The following ANKRD26 variants were observed in gnomAD, a reference collection of about 807,000 sequenced individuals.
ANKRD26 encodes the protein ankyrin repeat domain 26.
ANKRD26 carries 141 observed loss-of-function variants against 208.7 expected under a neutral mutation model. The ratio of observed to expected loss-of-function variants is 0.68; its 90% CI spans 0.59 to 0.78. The LOEUF (loss-of-function observed/expected upper bound fraction) is 0.78, where lower values mean the gene tolerates loss of function less well. Ranked by LOEUF, ANKRD26 falls within the 30% of genes least tolerant of loss-of-function variation. The pLI is 0.00. For synonymous variants in ANKRD26, 636 were observed against 660.4 expected (o/e 0.96, Z 0.57); for missense variants, 1,889 against 1,938.7 (o/e 0.97, Z 0.48).
the ANKRD26 span, among the ~76,000 whole-genome samples, chr10:26,966,346 C>T: frequency 2.0e-5 from 3 of 152,090 alleles, no homozygotes; most frequent in Non-Finnish European, 4.4e-5. Flanking sequence ...ATGGATGAAG[C>T]GGGAAGCCAT....
chr10:26,981,884 A>G (rs1029930425), intron 4 of ANKRD26, among the ~76,000 whole-genome samples: 1 of 152,168 alleles, frequency 6.6e-6, no homozygotes, highest in South Asian at 2.1e-4. Context: ...GCAGGGGCTC[A>G]AGGCGCAGGA....
chr10:27,061,810 C>T, intron 12 of ANKRD26: 1 of 441,228 alleles, frequency 2.3e-6, no homozygotes, highest in Non-Finnish European at 3.0e-6. Context: ...AGCAACCCAC[C>T]CACCTTGGCC....
chr10:27,030,922 C>A (rs2053844539), intron 25 of ANKRD26, among the ~76,000 whole-genome samples: 2 of 151,806 alleles, frequency 1.3e-5, no homozygotes, highest in Admixed American at 1.3e-4. Context: ...TATTATTCAC[C>A]TCGTAGGCAA....
chr10:26,958,549 T>C, the ANKRD26 span, among the ~76,000 whole-genome samples: 1 of 152,156 alleles, frequency 6.6e-6, no homozygotes, highest in Non-Finnish European at 1.5e-5. Flanking sequence ...ATCTTATAAC[T>C]GAGAAGGTGC....
chr10:27,061,508 A>G (rs2055054564), intron 12 of ANKRD26, among the ~76,000 whole-genome samples: 1 of 151,932 alleles, frequency 6.6e-6, no homozygotes, highest in Non-Finnish European at 1.5e-5. Context: ...AAAAAAGCCA[A>G]TGCTTCTATA....
chr10:27,051,518 T>TA (rs1004144352), intron 16 of ANKRD26: 1 of 985,028 alleles, frequency 1.0e-6, no homozygotes, highest in Non-Finnish European at 1.2e-6. Flanking sequence ...CTGGGTTCCT[T>TA]ACTTTTTTAT....
chr10:27,090,853 T>C (rs1291890929), intron 4 of ANKRD26, among the ~76,000 whole-genome samples: 1 of 152,150 alleles, frequency 6.6e-6, no homozygotes, highest in African/African-American at 2.4e-5. Context: ...CTAAGCACTT[T>C]GGGAGGCCAA....
rs1419421511 is a variant in ANKRD26 at position 27,035,272 on chromosome 10, CATT to C, written c.3175_3177del (p.Asn1059del). ...TTAAATAGTTGTTGAGAAAGAATCTCATTGTTATCTTTTAGGTTAGACACATCA... is the reference window on the plus strand; with the variant it reads ...TTAAATAGTTGTTGAGAAAGAATCTCGTTATCTTTTAGGTTAGACACATCA... On this transcript the variant is annotated inframe_deletion, in exon 24 of 34. Transcript: ENST00000376087. The C allele has an allele frequency of 6.2e-7, 1 of 1,613,780 alleles. No homozygotes were observed. Among genetic ancestry groups the C allele is most frequent in the African/African-American group, 1.3e-5 (1 of 74,906 alleles).
rs200494146 is a variant in ANKRD26, at chr10:27,100,185, C to T, written c.142G>A (p.Gly48Ser). 13 of 1,614,006 alleles carry T rather than the reference C, an allele frequency of 8.1e-6. No homozygotes were observed. Among genetic ancestry groups the T allele is most frequent in the East Asian group, 2.2e-5 (1 of 44,878 alleles). ...GCGCTGGCAGCTTTGTGGATCTTGC[C>T]GAGATCTCGGTCTCGGACGTGGTAG... is the stretch of plus-strand genomic sequence containing the variant. ...PGYHVRDRDL[G>S]KIHKAASAGN... The change falls in exon 1 of 34, where the codon GGC (glycine) becomes AGC (serine). Residue 48 changes from glycine (G) to serine (S), a missense_variant. Around this residue, in one of 3 missense-constraint regions of ANKRD26, gnomAD observed 1,272 missense variants for 1,273.8 expected, o/e 1.00. Transcript: ENST00000376087.
At chr10:27,011,876 A>C (rs1231668136) in intron 32 of ANKRD26, among the ~76,000 whole-genome samples, 2 of 152,200 alleles carry the variant, frequency 1.3e-5, no homozygotes. Flanking sequence ...TGCATTTTTT[A>C]AATTCACATA....
At chr10:26,952,084 G>C in the ANKRD26 span, among the ~76,000 whole-genome samples, 4 of 152,162 alleles carry the variant, frequency 2.6e-5, no homozygotes, top group Admixed American at 2.6e-4. Flanking sequence ...GGGCCAGATA[G>C]CAGCCTCTTC....
At chr10:26,995,357 T>C (rs996084468) in intron 4 of ANKRD26, among the ~76,000 whole-genome samples, 1 of 152,172 alleles carries the variant, frequency 6.6e-6, no homozygotes, top group Non-Finnish European at 1.5e-5. Flanking sequence ...AAGTGGCTGA[T>C]GTTGCTCTCA....
At chr10:26,987,892 G>T (rs1465466772), downstream of ANKRD26, among the ~76,000 whole-genome samples, 1 of 152,152 alleles carries the variant, frequency 6.6e-6, no homozygotes, top group African/African-American at 2.4e-5. Flanking sequence ...CTCACACAGT[G>T]AGGTAAGGCC....
Position 27,035,421 on chromosome 10 carries a change from T to C in ANKRD26, c.3029A>G (p.His1010Arg), listed in dbSNP as rs1444549227. The C allele has an allele frequency of 2.5e-6, 4 of 1,614,028 alleles. No homozygotes were observed. The highest frequency in any genetic ancestry group is 2.2e-5 in the South Asian group (2 of 91,078). ...ERLEAEVESY[H>R]SRLAAAIHDR... Reference sequence around the variant, plus strand: ...ATGTATAGCAGCAGCCAATCTAGAATGGTATGATTCAACTTCTGCTTCCAG... The same window carrying C: ...ATGTATAGCAGCAGCCAATCTAGAACGGTATGATTCAACTTCTGCTTCCAG... Residue 1010 changes from histidine to arginine, a missense_variant, in exon 24 of 34, where the codon CAT (histidine) becomes CGT (arginine). Physicochemically the swap from His to Arg is conservative, Grantham distance 29. Transcript: ENST00000376087.
chr10:27,053,963 C>T (rs575658061), intron 15 of ANKRD26, among the ~76,000 whole-genome samples: 14 of 152,270 alleles, frequency 9.2e-5, no homozygotes, highest in Middle Eastern at 3.4e-3. Flanking sequence ...TTGTACATCA[C>T]GCTCCTTACA....
At chr10:26,980,968 C>T (rs537180315) in intron 4 of ANKRD26, among the ~76,000 whole-genome samples, 22 of 152,276 alleles carry the variant, frequency 1.4e-4, no homozygotes, top group African/African-American at 5.1e-4. Context: ...GGAGGTGAGG[C>T]AGTCTTCCCC....
intron 1 of ANKRD26, among the ~76,000 whole-genome samples, chr10:27,098,536 A>G (rs1292649393): frequency 6.9e-6 from 1 of 144,612 alleles, no homozygotes; most frequent in Non-Finnish European, 1.5e-5. Context: ...ATGCCCAGAA[A>G]TAACAAATTT....
intron 4 of ANKRD26, among the ~76,000 whole-genome samples, 167 bp downstream of exon 4, chr10:27,092,239 C>A (rs1034344095): frequency 6.7e-6 from 1 of 149,602 alleles, no homozygotes; most frequent in Non-Finnish European, 1.5e-5. Flanking sequence ...ATTATGTTAA[C>A]CTTCTTATTA....
chr10:27,071,182 T>TTTTTTC (rs2055476773), intron 9 of ANKRD26, among the ~76,000 whole-genome samples: 1 of 146,160 alleles, frequency 6.8e-6, no homozygotes, highest in African/African-American at 2.6e-5. Flanking sequence ...TTTTTTTTTT[T>TTTTTTC]TGAGACAGAG....
Sources: allele counts gnomAD v4.1 joint callset (sites outside exome capture counted in the v4.1 genomes callset), GRCh38; gene constraint gnomAD v4.1.1; regional missense constraint gnomAD v4.1.1; transcripts MANE v1.5; gene names NCBI Gene and HGNC (gene_info 2026-07-23, HGNC 2026-07-21).